Variants in ADGRB3 observed in about 807,000 individuals in gnomAD.
ADGRB3 encodes adhesion G protein-coupled receptor B3.
A neutral mutation model predicts 193.4 loss-of-function variants in ADGRB3; 37 were observed. That is an observed-to-expected ratio of 0.19 (90% CI 0.15 to 0.25). The LOEUF is 0.25. ADGRB3 is among the 10% of genes least tolerant of loss of function. ADGRB3 has a pLI of 1.00. For missense variants in ADGRB3, 1,637 were observed against 1,852.9 expected (o/e 0.88, Z 2.14); for synonymous variants, 690 against 644.2 (o/e 1.07, Z -1.08).
chr6:69,279,027 C>A (rs1767361420), intron 20 of ADGRB3, among the ~76,000 whole-genome samples: 1 of 141,862 alleles, frequency 7.0e-6, no homozygotes, highest in Admixed American at 7.2e-5. Context: ...CAAGAATTCA[C>A]TTCTCACTTC....
At chr6:69,184,089 C>A (rs1225382782) in intron 17 of ADGRB3, among the ~76,000 whole-genome samples, 1 of 152,058 alleles carries the variant, frequency 6.6e-6, no homozygotes, top group East Asian at 1.9e-4. Context: ...AGGCTGGTGG[C>A]CATGACATTT....
intron 17 of ADGRB3, among the ~76,000 whole-genome samples, chr6:69,173,552 A>G (rs1775344769): frequency 6.6e-6 from 1 of 152,192 alleles, no homozygotes; most frequent in African/African-American, 2.4e-5. Flanking sequence ...GTAAGATGAG[A>G]GTGATGGAGA....
intron 17 of ADGRB3, among the ~76,000 whole-genome samples, chr6:69,134,653 T>C (rs1774102389): frequency 6.6e-6 from 1 of 151,750 alleles, no homozygotes; most frequent in South Asian, 2.1e-4. Context: ...CTTCATAAAG[T>C]TACTGATGCT....
intron 17 of ADGRB3, among the ~76,000 whole-genome samples, chr6:69,187,127 T>C (rs1765087983): frequency 6.6e-6 from 1 of 152,084 alleles, no homozygotes; most frequent in African/African-American, 2.4e-5. Context: ...TATTATACTA[T>C]TTATATTGCT....
At chr6:69,136,888 T>C (rs1023350578) in intron 17 of ADGRB3, among the ~76,000 whole-genome samples, 2 of 152,088 alleles carry the variant, frequency 1.3e-5, no homozygotes, top group South Asian at 2.1e-4. Flanking sequence ...ATTACCTACA[T>C]TGAATACATA....
At chr6:69,163,699 G>T (rs150685732) in intron 17 of ADGRB3, among the ~76,000 whole-genome samples, 33 of 152,156 alleles carry the variant, frequency 2.2e-4, no homozygotes, top group African/African-American at 7.7e-4. Context: ...TGTAAATACT[G>T]TACAACCCTT....
Position 69,172,412 on chromosome 6 carries a change from G to A in ADGRB3, c.2481-60878G>A, listed in dbSNP as rs543979188. Among the ~76,000 whole-genome samples the A allele has an allele frequency of 5.3e-5, 8 of 151,966 alleles. No individual in the cohort carries two copies. The East Asian group carries it at 1.6e-3, about 30-fold the overall frequency. On this transcript the variant is annotated intron_variant, in intron 17 of 31. Transcript: ENST00000370598. ...TAATCCCAGCACTTTGGGAGGCCGA[G>A]GCGGGTGGATCACGAGGTCAGGAGA... is the stretch of plus-strand genomic sequence containing the variant.
chr6:68,896,737 AG>A (rs1766228630), intron 3 of ADGRB3, among the ~76,000 whole-genome samples: 1 of 152,140 alleles, frequency 6.6e-6, no homozygotes, highest in African/African-American at 2.4e-5. Context: ...TTTAAAGAAA[AG>A]TAGCATTCTA....
intron 8 of ADGRB3, among the ~76,000 whole-genome samples, chr6:68,960,093 G>A (rs1040772211): frequency 4.6e-5 from 7 of 152,132 alleles, no homozygotes; most frequent in Non-Finnish European, 1.5e-5. Flanking sequence ...GAACCACTTT[G>A]CCCTGCTCCC....
chr6:69,146,020 G>C (rs1441679591), intron 17 of ADGRB3, among the ~76,000 whole-genome samples: 1 of 152,156 alleles, frequency 6.6e-6, no homozygotes. Flanking sequence ...CAGCCTCCAG[G>C]CTTTAGGCCT....
chr6:68,984,617 T>C lies in ADGRB3; in HGVS notation c.1735-9151T>C, dbSNP rs1769018144. Among the ~76,000 whole-genome samples the C allele has an allele frequency of 2.0e-5, 3 of 152,126 alleles. No homozygotes were observed. In the South Asian group the frequency reaches 6.2e-4, roughly 31 times the overall value. On this transcript the variant is annotated intron_variant, in intron 10 of 31. Coordinates refer to ENST00000370598, the MANE Select transcript of ADGRB3 (RefSeq NM_001704.3). ...AGGATGTGTAAGGCCAAAAAAGGGT[T>C]TTGTATTATTTTGTTTTGTTTTAAA...
chr6:68,882,052 C>T (rs1024913794), intron 3 of ADGRB3, among the ~76,000 whole-genome samples: 2 of 152,042 alleles, frequency 1.3e-5, no homozygotes, highest in Admixed American at 6.5e-5. Context: ...AAACTAGAGC[C>T]GTTAGCAAGC....
chr6:69,232,907 A>C, intron 17 of ADGRB3: 1 of 490,234 alleles, frequency 2.0e-6, no homozygotes, highest in Non-Finnish European at 3.6e-6. Context: ...AAAATATGAA[A>C]AGCCTCTTTA....
intron 8 of ADGRB3, among the ~76,000 whole-genome samples, chr6:68,974,046 G>GT (rs1457326547): frequency 4.6e-5 from 7 of 151,968 alleles, no homozygotes; most frequent in Non-Finnish European, 1.0e-4. Flanking sequence ...AGTTGAAGAG[G>GT]TAAAAAGTTA....
At chr6:68,986,352 T>A (rs1037158909) in intron 10 of ADGRB3, among the ~76,000 whole-genome samples, 3 of 152,208 alleles carry the variant, frequency 2.0e-5, no homozygotes, top group African/African-American at 7.2e-5. Flanking sequence ...TTCTATGTGA[T>A]ACCTACATGA....
At chr6:68,836,367 G>A (rs920659867) in intron 3 of ADGRB3, among the ~76,000 whole-genome samples, 5 of 151,884 alleles carry the variant, frequency 3.3e-5, no homozygotes, top group East Asian at 1.9e-4. Flanking sequence ...TCTGCTTTCC[G>A]TAATCTGTTT....
intron 3 of ADGRB3, among the ~76,000 whole-genome samples, chr6:68,808,385 C>T (rs1372129740): frequency 6.6e-6 from 1 of 151,486 alleles, no homozygotes; most frequent in Non-Finnish European, 1.5e-5. Flanking sequence ...CTCTTTACTC[C>T]AATAAGAAGG....
At chr6:69,377,383 C>T (rs1769851407) in intron 30 of ADGRB3, among the ~76,000 whole-genome samples, 1 of 152,040 alleles carries the variant, frequency 6.6e-6, no homozygotes, top group African/African-American at 2.4e-5. Context: ...TACCAGAATT[C>T]CTCTTCACCA....
At chr6:69,020,804 G>A (rs1379807949) in intron 13 of ADGRB3, among the ~76,000 whole-genome samples, 2 of 152,012 alleles carry the variant, frequency 1.3e-5, no homozygotes, top group Middle Eastern at 3.2e-3. Context: ...GTAGTTTGGT[G>A]ACTAGAACTG....
Sources: allele counts gnomAD v4.1 joint callset (sites outside exome capture counted in the v4.1 genomes callset), GRCh38; gene constraint gnomAD v4.1.1; transcripts MANE v1.5; gene names NCBI Gene and HGNC (gene_info 2026-07-23, HGNC 2026-07-21).